The following PALM2AKAP2 variants were observed in gnomAD, a reference collection of about 807,000 sequenced individuals.
PALM2AKAP2 encodes PALM2 and AKAP2 fusion.
In PALM2AKAP2, 37 loss-of-function variants were observed where a neutral mutation model predicts 71.5. The ratio of observed to expected loss-of-function variants is 0.52; its 90% CI spans 0.40 to 0.68. The LOEUF is 0.68. Ranked by LOEUF, PALM2AKAP2 falls within the 30% of genes least tolerant of loss-of-function variation. The pLI is 0.00. For synonymous variants in PALM2AKAP2, 468 were observed against 478.8 expected, an observed-to-expected ratio of 0.98 and a Z score of 0.29; for missense variants, 1,224 against 1,191.8, an observed-to-expected ratio of 1.03 and a Z score of -0.40.
At chr9:109,873,706 T>A (rs2418060) in intron 2 of PALM2AKAP2, among the ~76,000 whole-genome samples, 112,372 of 152,112 alleles carry the variant, frequency 0.74, 41,639 homozygotes, top group Admixed American at 0.78. Flanking sequence ...AGATTGCCAG[T>A]TATGACTTTA....
intron 1 of PALM2AKAP2, among the ~76,000 whole-genome samples, chr9:109,825,470 G>T (rs148973594): frequency 0.015 from 2,266 of 152,222 alleles, 46 homozygotes; most frequent in African/African-American, 0.052. Context: ...CTCATCTGAC[G>T]AAGGGCTAAT....
intron 3 of PALM2AKAP2, among the ~76,000 whole-genome samples, chr9:109,885,204 A>T (rs540195318): frequency 2.0e-4 from 31 of 152,326 alleles, no homozygotes; most frequent in African/African-American, 5.3e-4. Flanking sequence ...AATGTTATTT[A>T]TAAATTGGTG....
At chr9:110,159,328 C>A (rs1174863188) in intron 3 of PALM2AKAP2, among the ~76,000 whole-genome samples, 1 of 152,182 alleles carries the variant, frequency 6.6e-6, no homozygotes, top group Non-Finnish European at 1.5e-5. Context: ...CCCAGCATCT[C>A]CCCATGTTAT....
chr9:109,655,910 T>A (rs1025871581), intron 1 of PALM2AKAP2, among the ~76,000 whole-genome samples: 1 of 152,216 alleles, frequency 6.6e-6, no homozygotes, highest in African/African-American at 2.4e-5. Context: ...TGTACAAGTA[T>A]GTGTTTGAGC....
intron 3 of PALM2AKAP2, among the ~76,000 whole-genome samples, chr9:109,919,663 A>T (rs951342666): frequency 6.6e-6 from 1 of 151,882 alleles, no homozygotes; most frequent in East Asian, 1.9e-4. Flanking sequence ...GTGTATATAT[A>T]TTATATAACT....
chr9:109,934,736 C>G (rs1831182631), intron 6 of PALM2AKAP2, among the ~76,000 whole-genome samples: 1 of 152,230 alleles, frequency 6.6e-6, no homozygotes, highest in South Asian at 2.1e-4. Flanking sequence ...TGTGCCACTG[C>G]TCAGCCTCAC....
intron 1 of PALM2AKAP2, among the ~76,000 whole-genome samples, chr9:110,058,244 A>T (rs1833888522): frequency 6.6e-6 from 1 of 152,202 alleles, no homozygotes; most frequent in Admixed American, 6.5e-5. Flanking sequence ...GCAAATGGGA[A>T]TATTTTTATT....
chr9:109,845,326 G>T (rs934049167), intron 1 of PALM2AKAP2, among the ~76,000 whole-genome samples: 1 of 152,344 alleles, frequency 6.6e-6, no homozygotes, highest in East Asian at 1.9e-4. Flanking sequence ...ACATTTCACA[G>T]TTTAAGAGAG....
chr9:110,076,277 CCGAATTTTACCTAGATAAA>C (rs1834318886), intron 1 of PALM2AKAP2, among the ~76,000 whole-genome samples: 1 of 151,894 alleles, frequency 6.6e-6, no homozygotes, highest in Middle Eastern at 3.4e-3. Flanking sequence ...AAATATTCCA[CCGAATTTTACCTAGATAAA>C]TGCTTTATGT....
At chr9:110,151,395 T>C (rs946968169) in intron 2 of PALM2AKAP2, among the ~76,000 whole-genome samples, 1 of 152,212 alleles carries the variant, frequency 6.6e-6, no homozygotes. Context: ...TGAGGTTTTC[T>C]GGTTAACTAA....
chr9:110,150,167 C>A (rs1165924679), intron 2 of PALM2AKAP2, among the ~76,000 whole-genome samples: 1 of 152,242 alleles, frequency 6.6e-6, no homozygotes, highest in East Asian at 1.9e-4. Context: ...AGCAAGAGGG[C>A]AGCTGTCTGC....
At chr9:110,169,203 A>G (rs1836802343) in exon 4 of PALM2AKAP2, 1 of 152,690 alleles carries the variant, frequency 6.5e-6, no homozygotes, top group South Asian at 2.1e-4. Context: ...CAAATGGATG[A>G]TGTTAGCTTT....
At chr9:109,662,456 T>A (rs1827413762) in intron 1 of PALM2AKAP2, among the ~76,000 whole-genome samples, 1 of 152,242 alleles carries the variant, frequency 6.6e-6, no homozygotes, top group Non-Finnish European at 1.5e-5. Flanking sequence ...TCTGTTTATG[T>A]GATGGATTAC....
chr9:110,014,847 TATATAC>T (rs1832952017), intron 6 of PALM2AKAP2, among the ~76,000 whole-genome samples: 1 of 97,726 alleles, frequency 1.0e-5, no homozygotes, highest in Non-Finnish European at 2.0e-5. Flanking sequence ...TATATATATA[TATATAC>T]ACACACACAC....
At chr9:110,093,125 C>T (rs1834754182) in intron 1 of PALM2AKAP2, among the ~76,000 whole-genome samples, 1 of 152,160 alleles carries the variant, frequency 6.6e-6, no homozygotes, top group Non-Finnish European at 1.5e-5. Flanking sequence ...ATGTCCTCTG[C>T]AGGGACGTTC....
At chr9:109,841,958 G>T (rs1828705287) in intron 1 of PALM2AKAP2, among the ~76,000 whole-genome samples, 1 of 144,796 alleles carries the variant, frequency 6.9e-6, no homozygotes, top group South Asian at 2.4e-4. Flanking sequence ...AGAGGGGAGG[G>T]TGAGGGGGAT....
At chr9:109,657,557 G>C (rs1327687448) in intron 1 of PALM2AKAP2, among the ~76,000 whole-genome samples, 2 of 151,856 alleles carry the variant, frequency 1.3e-5, no homozygotes, top group African/African-American at 2.4e-5. Context: ...CAGAGAGAGA[G>C]AGACAGACAG....
intron 6 of PALM2AKAP2, among the ~76,000 whole-genome samples, chr9:109,948,638 A>G (rs895357143): frequency 6.6e-6 from 1 of 152,196 alleles, no homozygotes; most frequent in Non-Finnish European, 1.5e-5. Context: ...TTGCCTCTTC[A>G]TAATCACCTG....
chr9:109,884,585 T>C (rs1020404064), intron 3 of PALM2AKAP2, among the ~76,000 whole-genome samples: 1 of 152,168 alleles, frequency 6.6e-6, no homozygotes, highest in Non-Finnish European at 1.5e-5. Context: ...GATCTTTATA[T>C]AATAGGAATC....
Sources: allele counts gnomAD v4.1 joint callset (sites outside exome capture counted in the v4.1 genomes callset), GRCh38; gene constraint gnomAD v4.1.1; transcripts MANE v1.5; gene names NCBI Gene and HGNC (gene_info 2026-07-23, HGNC 2026-07-21).